The following BMPR1A variants were observed in gnomAD, a reference collection of about 807,000 sequenced individuals.
BMPR1A encodes bone morphogenetic protein receptor type 1A, also known as bone morphogenetic protein receptor type-1A.
In BMPR1A, 7 loss-of-function variants were observed where a neutral mutation model predicts 66.0. That is an observed-to-expected ratio of 0.11 (90% CI 0.06 to 0.20). The LOEUF is 0.20. BMPR1A is among the 10% of genes least tolerant of loss of function. The pLI, the probability that BMPR1A is intolerant of heterozygous loss-of-function variation, is 1.00. For missense variants in BMPR1A, 408 were observed against 669.1 expected (o/e 0.61, Z 4.31); for synonymous variants, 200 against 229.7 (o/e 0.87, Z 1.17).
chr10:86,808,494 C>A (rs544157682), intron 1 of BMPR1A, among the ~76,000 whole-genome samples: 8 of 151,948 alleles, frequency 5.3e-5, no homozygotes, highest in Middle Eastern at 3.4e-3. Context: ...AGCTTTGGTC[C>A]ATTCAACTTA....
intron 1 of BMPR1A, among the ~76,000 whole-genome samples, chr10:86,794,854 A>G (rs1348889020): frequency 1.3e-5 from 2 of 148,656 alleles, no homozygotes; most frequent in African/African-American, 2.5e-5. Flanking sequence ...ATATAGATAT[A>G]GTTTTTTTTT....
At chr10:86,881,383 A>C (rs1383854712) in intron 3 of BMPR1A, among the ~76,000 whole-genome samples, 1 of 152,248 alleles carries the variant, frequency 6.6e-6, no homozygotes, top group East Asian at 1.9e-4. Flanking sequence ...TCCAATTAGT[A>C]GGTGAGGGAA....
At chr10:86,796,597 G>C (rs535037763) in intron 1 of BMPR1A, among the ~76,000 whole-genome samples, 2 of 150,052 alleles carry the variant, frequency 1.3e-5, no homozygotes, top group African/African-American at 4.9e-5. Flanking sequence ...TGTTTTTTGA[G>C]ACAGAATCTC....
intron 2 of BMPR1A, among the ~76,000 whole-genome samples, chr10:86,857,815 C>G (rs780344116): frequency 2.7e-5 from 3 of 111,518 alleles, no homozygotes; most frequent in Non-Finnish European, 5.1e-5. Flanking sequence ...TTACTTTATT[C>G]GTTTCTTTTT....
At chr10:86,834,235 A>AT (rs557256971) in intron 1 of BMPR1A, among the ~76,000 whole-genome samples, 31 of 152,136 alleles carry the variant, frequency 2.0e-4, no homozygotes, top group Middle Eastern at 3.4e-3. Context: ...TAGCCCAAGT[A>AT]TTTTTTTCTG....
At chr10:86,783,605 T>C (rs980010753) in intron 1 of BMPR1A, among the ~76,000 whole-genome samples, 3 of 152,218 alleles carry the variant, frequency 2.0e-5, no homozygotes, top group Non-Finnish European at 4.4e-5. Flanking sequence ...TTTATTTTTT[T>C]AGAAACGGGA....
intron 1 of BMPR1A, among the ~76,000 whole-genome samples, chr10:86,760,043 C>T (rs1841013286): frequency 8.1e-6 from 1 of 123,238 alleles, no homozygotes. Context: ...GATTTTCTTG[C>T]CTTCACTTTT....
intron 8 of BMPR1A, among the ~76,000 whole-genome samples, chr10:86,915,048 C>T (rs555161062): frequency 5.9e-5 from 9 of 152,322 alleles, no homozygotes; most frequent in Admixed American, 2.6e-4. Flanking sequence ...ACTTCTAACA[C>T]ATGTAGCAGC....
In BMPR1A at chr10:86,771,361, A is replaced by C. The variant is rs76171762; in HGVS notation, c.-268+14442A>C. Among the ~76,000 whole-genome samples, 320 of 152,344 alleles carry C rather than the reference A, an allele frequency of 2.1e-3. 4 individuals carry two copies. The highest frequency in any genetic ancestry group is 7.5e-3 in the African/African-American group (310 of 41,590). The stretch of plus-strand genomic sequence containing the variant: ...AAAAGGTAAGTAGGTTTTAGTTTAA[A>C]GAATGTTGAGCAATAAAATATAAGA... On this transcript the variant is annotated intron_variant, in intron 1 of 12. Coordinates refer to ENST00000372037, the MANE Select transcript of BMPR1A (RefSeq NM_004329.3).
chr10:86,897,009 G>GTT (rs2133438673), intron 5 of BMPR1A, among the ~76,000 whole-genome samples: 1 of 152,296 alleles, frequency 6.6e-6, no homozygotes, highest in African/African-American at 2.4e-5. Flanking sequence ...ACAGATGTGA[G>GTT]TGCCTCTCAC....
chr10:86,767,889 A>G (rs915802853), intron 1 of BMPR1A, among the ~76,000 whole-genome samples: 2 of 152,120 alleles, frequency 1.3e-5, no homozygotes, highest in South Asian at 2.1e-4. Flanking sequence ...CTAAACAGAC[A>G]TTGTTATAAA....
intron 1 of BMPR1A, among the ~76,000 whole-genome samples, chr10:86,765,269 C>T (rs1255052333): frequency 2.6e-5 from 4 of 151,894 alleles, no homozygotes; most frequent in South Asian, 4.2e-4. Flanking sequence ...GGGAGGATCA[C>T]GAGGTCAGGA....
At chr10:86,772,647 G>C (rs1237257496) in intron 1 of BMPR1A, among the ~76,000 whole-genome samples, 1 of 152,082 alleles carries the variant, frequency 6.6e-6, no homozygotes, top group Non-Finnish European at 1.5e-5. Flanking sequence ...ATTGAGAAAT[G>C]AAATCTGATT....
intron 2 of BMPR1A, among the ~76,000 whole-genome samples, chr10:86,863,348 G>A (rs1842738024): frequency 6.6e-6 from 1 of 152,074 alleles, no homozygotes; most frequent in Admixed American, 6.6e-5. Context: ...ATCTTTTCTG[G>A]TAAGACATTT....
intron 1 of BMPR1A, among the ~76,000 whole-genome samples, chr10:86,797,666 C>T (rs1290149198): frequency 1.3e-5 from 2 of 152,134 alleles, no homozygotes; most frequent in Non-Finnish European, 2.9e-5. Context: ...CGTGCCCGGC[C>T]AGAATTTGAA....
chr10:86,863,672 T>C (rs1214408804), intron 2 of BMPR1A, among the ~76,000 whole-genome samples: 4 of 152,150 alleles, frequency 2.6e-5, no homozygotes, highest in Non-Finnish European at 5.9e-5. Context: ...TGGGACTGCC[T>C]TATTCATATT....
intron 2 of BMPR1A, among the ~76,000 whole-genome samples, chr10:86,856,451 ATG>A (rs1185592753): frequency 2.6e-5 from 4 of 152,182 alleles, no homozygotes; most frequent in Non-Finnish European, 2.9e-5. Context: ...TAAACTGTCC[ATG>A]TCGTAGGTAT....
intron 1 of BMPR1A, among the ~76,000 whole-genome samples, chr10:86,784,771 T>C (rs1841493458): frequency 6.6e-6 from 1 of 152,184 alleles, no homozygotes; most frequent in African/African-American, 2.4e-5. Flanking sequence ...CCATTTCTTC[T>C]AGGTTGTCTA....
chr10:86,898,106 GA>G (rs1843252148), intron 5 of BMPR1A, among the ~76,000 whole-genome samples: 1 of 151,962 alleles, frequency 6.6e-6, no homozygotes, highest in African/African-American at 2.4e-5. Context: ...TATTTTTAGA[GA>G]TAGGGTCTCA....
Sources: gnomAD v4.1 joint callset for allele counts (sites outside exome capture counted in the v4.1 genomes callset) on GRCh38, gnomAD v4.1.1 for gene constraint, MANE v1.5 for transcripts, NCBI Gene and HGNC (gene_info 2026-07-23, HGNC 2026-07-21) for gene names.